Variants in PRICKLE2 observed in about 807,000 individuals in gnomAD.
PRICKLE2 encodes prickle planar cell polarity protein 2, also known as prickle-like protein 2.
In PRICKLE2, 21 loss-of-function variants were observed where a neutral mutation model predicts 81.4. That is an observed-to-expected ratio of 0.26 (90% CI 0.18 to 0.37). PRICKLE2 has a LOEUF of 0.37. Ranked by LOEUF, PRICKLE2 falls within the 10% of genes least tolerant of loss-of-function variation. The pLI is 1.00. For missense variants in PRICKLE2, 940 were observed against 1,109.0 expected, an observed-to-expected ratio of 0.85 and a Z score of 2.16; for synonymous variants, 456 against 421.5, an observed-to-expected ratio of 1.08 and a Z score of -1.00.
chr3:64,197,092 C>T (rs1273568901), intron 2 of PRICKLE2, among the ~76,000 whole-genome samples: 1 of 152,180 alleles, frequency 6.6e-6, no homozygotes, highest in Admixed American at 6.5e-5. Flanking sequence ...AGTATCACTA[C>T]TCTTAAGTTA....
chr3:64,258,823 C>CA lies in PRICKLE2; in HGVS notation c.129-59857dup, dbSNP rs1156901811. On this transcript the variant is annotated intron_variant, in intron 2 of 8. Transcript: ENST00000295902. ...TGGGCGACAGAGCAAGACTCTGTCT[C>CA]AAAAAAAAAAAAAAAAAAAAAAAAA... Among the ~76,000 whole-genome samples the CA allele has an allele frequency of 1.5e-3, 108 of 70,392 alleles. 3 individuals are homozygous for CA. Among genetic ancestry groups the CA allele is most frequent in the South Asian group, 3.2e-3 (4 of 1,268 alleles). 46.2% of individuals were successfully genotyped at this position (70,392 alleles called of 152,430 possible). A position where few individuals can be genotyped will look rare whatever the true frequency, so the allele number is the denominator to read the frequency against.
At chr3:64,202,062 T>C (rs1235606055) in intron 1 of PRICKLE2, among the ~76,000 whole-genome samples, 2 of 152,210 alleles carry the variant, frequency 1.3e-5, no homozygotes, top group African/African-American at 2.4e-5. Context: ...GAGTTTATTC[T>C]GGACATTCAG....
chr3:64,174,644 T>A, intron 2 of PRICKLE2: 1 of 194,976 alleles, frequency 5.1e-6, no homozygotes, highest in Non-Finnish European at 1.2e-5. Flanking sequence ...TAAGCCTTGA[T>A]GATAATGAGG....
intron 2 of PRICKLE2, among the ~76,000 whole-genome samples, chr3:64,260,655 T>C (rs938770845): frequency 1.3e-5 from 2 of 152,208 alleles, no homozygotes; most frequent in African/African-American, 4.8e-5. Flanking sequence ...GACATCCTCT[T>C]CCCTGCCAAT....
chr3:64,120,048 G>A (rs1396652542), intron 7 of PRICKLE2, among the ~76,000 whole-genome samples: 2 of 152,122 alleles, frequency 1.3e-5, no homozygotes, highest in Non-Finnish European at 2.9e-5. Context: ...GAGACATGGG[G>A]GCTACTAGAG....
intron 1 of PRICKLE2, 153 bp from the exon 2 acceptor site, chr3:64,199,120 A>G: frequency 1.4e-6 from 1 of 714,742 alleles, no homozygotes; most frequent in Non-Finnish European, 2.4e-6. Flanking sequence ...GTTCCAGAAC[A>G]TGACTGTCTT....
intron 2 of PRICKLE2, among the ~76,000 whole-genome samples, chr3:64,176,522 C>T (rs986807247): frequency 6.6e-6 from 1 of 152,184 alleles, no homozygotes; most frequent in African/African-American, 2.4e-5. Flanking sequence ...AGGACCAATT[C>T]AAGTTTTCAA....
At chr3:64,182,980 T>C (rs1487985017) in intron 2 of PRICKLE2, among the ~76,000 whole-genome samples, 1 of 152,156 alleles carries the variant, frequency 6.6e-6, no homozygotes, top group East Asian at 1.9e-4. Flanking sequence ...TAAGTTATTA[T>C]AATAAATTTA....
intron 2 of PRICKLE2, among the ~76,000 whole-genome samples, chr3:64,245,829 C>G (rs866737615): frequency 6.6e-6 from 1 of 152,210 alleles, no homozygotes; most frequent in Non-Finnish European, 1.5e-5. Flanking sequence ...GACCAGGTGT[C>G]TGAATAACCA....
chr3:64,212,784 T>G (rs972110012), intron 1 of PRICKLE2, among the ~76,000 whole-genome samples: 2 of 152,192 alleles, frequency 1.3e-5, no homozygotes, highest in African/African-American at 4.8e-5. Context: ...TCCTACCCTA[T>G]GTCTAGGGAT....
At chr3:64,223,422 C>T (rs567955342) in intron 1 of PRICKLE2, among the ~76,000 whole-genome samples, 1 of 152,288 alleles carries the variant, frequency 6.6e-6, no homozygotes, top group African/African-American at 2.4e-5. Context: ...TCATCTCATA[C>T]TATCTAACCT....
Position 64,147,529 on chromosome 3 carries a change from A to G in PRICKLE2, c.961T>C (p.Ser321Pro). ...SAGEDPNGSD[S>P]SDSAFQNARA... is the part of the protein sequence containing the mutation. ...GCGTTCTGGAAGGCGGAATCAGAGG[A>G]GTCAGAACCATTGGGGTCTTCCCCA... Residue 321 changes from serine to proline, a missense_variant, in exon 7 of 8, where the codon TCC (serine) becomes CCC (proline). Ser to Pro is a moderately conservative substitution (Grantham distance 74). Coordinates refer to ENST00000638394, the MANE Select transcript of PRICKLE2 (RefSeq NM_198859.4). The surrounding 1 kb of genome is among the most constrained non-coding windows in gnomAD (Gnocchi z 5.0). 1.2e-6 allele frequency: 2 copies of G among 1,614,238 alleles called. No individual in the cohort carries two copies. The highest frequency in any genetic ancestry group is 1.7e-6 in the Non-Finnish European group (2 of 1,180,050).
chr3:64,111,796 G>C (rs1009498946), intron 7 of PRICKLE2, among the ~76,000 whole-genome samples: 1 of 152,180 alleles, frequency 6.6e-6, no homozygotes. Context: ...GCATGAGGGA[G>C]CTTCTAGGTT....
intron 7 of PRICKLE2, among the ~76,000 whole-genome samples, chr3:64,107,082 T>A (rs554027368): frequency 1.3e-5 from 2 of 152,164 alleles, no homozygotes; most frequent in Non-Finnish European, 1.5e-5. Context: ...CAAGGGTCAG[T>A]GTGACTGGGA....
At chr3:64,247,701 T>C (rs2079378400) in intron 2 of PRICKLE2, among the ~76,000 whole-genome samples, 1 of 152,206 alleles carries the variant, frequency 6.6e-6, no homozygotes, top group South Asian at 2.1e-4. Context: ...GACTATGACA[T>C]ATGAGAAAGT....
chr3:64,224,976 G>A lies in PRICKLE2; in HGVS notation c.-107C>T, dbSNP rs2079011056. 10 of 985,244 alleles carry A rather than the reference G, an allele frequency of 1.0e-5. No individual in the cohort carries two copies. The South Asian group carries it at 3.8e-4, about 37-fold the overall frequency. 61.0% of individuals were successfully genotyped at this position (985,244 alleles called of 1,614,324 possible). On this transcript the variant is annotated 5_prime_UTR_variant, in exon 1 of 8. Transcript: ENST00000638394. ...GCCAGACCCTTGGAGCTTGTCAATT[G>A]TCCCAGTTCACTTTCTCCCTGGATC...
At chr3:64,210,223 C>T (rs2078762851) in intron 1 of PRICKLE2, among the ~76,000 whole-genome samples, 2 of 152,086 alleles carry the variant, frequency 1.3e-5, no homozygotes, top group South Asian at 4.1e-4. Context: ...TGTCTTGATA[C>T]CCAGACGTCA....
chr3:64,191,670 G>C (rs755687868), intron 2 of PRICKLE2, among the ~76,000 whole-genome samples: 1 of 152,246 alleles, frequency 6.6e-6, no homozygotes, highest in Non-Finnish European at 1.5e-5. Context: ...TGTTCAATGA[G>C]AGTTTAATTA....
intron 2 of PRICKLE2, among the ~76,000 whole-genome samples, chr3:64,245,649 T>C (rs1362610098): frequency 6.6e-6 from 1 of 152,142 alleles, no homozygotes; most frequent in Non-Finnish European, 1.5e-5. Flanking sequence ...ACCATTCAAA[T>C]CCAGAGAGGC....
Sources: gnomAD v4.1 joint callset for allele counts (sites outside exome capture counted in the v4.1 genomes callset) on GRCh38, gnomAD v4.1.1 for gene constraint, Gnocchi (gnomAD v3.1) non-coding constraint, MANE v1.5 for transcripts, NCBI Gene and HGNC (gene_info 2026-07-23, HGNC 2026-07-21) for gene names.